Variants in DDX31 observed in about 807,000 individuals in gnomAD.
DDX31 encodes the protein ATP-dependent DNA helicase DDX31.
A neutral mutation model predicts 91.3 loss-of-function variants in DDX31; 70 were observed. That is an observed-to-expected ratio of 0.77 (90% CI 0.63 to 0.94). The LOEUF (loss-of-function observed/expected upper bound fraction) is 0.94, where lower values mean the gene tolerates loss of function less well. Among genes scored for constraint, DDX31 ranks in the 40% least tolerant of loss-of-function variants. The pLI is 0.00. For synonymous variants in DDX31, 362 were observed against 350.6 expected, an observed-to-expected ratio of 1.03 and a Z score of -0.36; for missense variants, 902 against 925.0, an observed-to-expected ratio of 0.98 and a Z score of 0.32.
rs528941326 is a variant in DDX31, at chr9:132,593,183, T to C, written c.*1683A>G. 17 of 152,224 alleles carry C rather than the reference T, an allele frequency of 1.1e-4. No individual in the cohort carries two copies. The highest frequency in any genetic ancestry group is 2.2e-4 in the Non-Finnish European group (15 of 68,030). 9.4% of individuals were successfully genotyped at this position (152,224 alleles called of 1,614,324 possible). On this transcript the variant is annotated 3_prime_UTR_variant, in exon 20 of 20. Coordinates refer to ENST00000372159, the MANE Select transcript of DDX31 (RefSeq NM_022779.9). Reference sequence around the variant, plus strand: ...AGCAGATTAAGTGTGTAAGTTTTGATCTTGGAATTATCGTCACTCACACGT... The same window carrying C: ...AGCAGATTAAGTGTGTAAGTTTTGACCTTGGAATTATCGTCACTCACACGT...
intron 14 of DDX31, 108 bp from the exon 15 acceptor site, chr9:132,632,199 G>C: frequency 1.5e-6 from 1 of 673,046 alleles, no homozygotes. Flanking sequence ...CCCGCCCACA[G>C]TACATGCACA....
intron 14 of DDX31, among the ~76,000 whole-genome samples, chr9:132,639,017 T>G (rs1833308156): frequency 6.6e-6 from 1 of 152,190 alleles, no homozygotes; most frequent in Admixed American, 6.5e-5. Flanking sequence ...GTTCTCCATC[T>G]GTCTCGTCCT....
At chr9:132,654,599 C>T (rs1216898662) in intron 6 of DDX31, among the ~76,000 whole-genome samples, 3 of 151,916 alleles carry the variant, frequency 2.0e-5, no homozygotes, top group African/African-American at 7.3e-5. Context: ...GGCGACAGAG[C>T]GAGACTTCAT....
At chr9:132,645,755 T>C in intron 13 of DDX31, 140 bp downstream of exon 13, 2 of 918,954 alleles carry the variant, frequency 2.2e-6, no homozygotes, top group South Asian at 2.3e-5. Flanking sequence ...CATTTTCGTC[T>C]CATTCTTGAC....
chr9:132,626,967 CT>C (rs1211507325), intron 16 of DDX31, among the ~76,000 whole-genome samples: 1 of 152,056 alleles, frequency 6.6e-6, no homozygotes, highest in African/African-American at 2.4e-5. Context: ...CATGGGAAAT[CT>C]ATTTTTCATA....
chr9:132,626,980 G>T (rs533257752), intron 16 of DDX31, among the ~76,000 whole-genome samples: 2 of 152,214 alleles, frequency 1.3e-5, no homozygotes, highest in African/African-American at 4.8e-5. Flanking sequence ...TTTTTCATAG[G>T]AGAGAGCAAT....
intron 15 of DDX31, 143 bp downstream of exon 15, chr9:132,631,898 T>G (rs1832748948): frequency 1.5e-6 from 1 of 670,506 alleles, no homozygotes; most frequent in Non-Finnish European, 2.4e-6. Flanking sequence ...TCAGGGGAAT[T>G]GAACAGATAA....
chr9:132,659,916 A>G, intron 4 of DDX31, 136 bp from the exon 5 acceptor site: 1 of 734,954 alleles, frequency 1.4e-6, no homozygotes, highest in Non-Finnish European at 2.3e-6. Flanking sequence ...CAAAGCATTC[A>G]AATAAAGGTG....
At chr9:132,666,320 T>G (rs1257338329) in intron 1 of DDX31, among the ~76,000 whole-genome samples, 2 of 152,030 alleles carry the variant, frequency 1.3e-5, no homozygotes, top group South Asian at 4.2e-4. Context: ...GAAATAGAGC[T>G]TCATAATAAT....
rs574538833 is a variant in DDX31 at position 132,599,541 on chromosome 9, C to T, written c.1995-4429G>A. On this transcript the variant is annotated intron_variant, in intron 19 of 19. Coordinates refer to ENST00000372159, the MANE Select transcript of DDX31 (RefSeq NM_022779.9). ...GTCCTGTAGTTTTACAATGAGCATG[C>T]ATTATTTTTATAATTAGAAAATAAC... 1.2e-4 allele frequency among the ~76,000 whole-genome samples: 19 copies of T among 152,300 alleles called. No homozygotes were observed. The South Asian group carries it at 3.7e-3, about 30-fold the overall frequency.
chr9:132,618,831 C>T lies in DDX31; in HGVS notation c.1714-390G>A, dbSNP rs188156927. ...CCTAGGAATCTTCACCTTTCCCTCA[C>T]GCGCATCAGTGGAACACCGACAATT... On this transcript the variant is annotated intron_variant, in intron 17 of 19. Transcript: ENST00000372159. 1.9e-3 allele frequency among the ~76,000 whole-genome samples: 296 copies of T among 152,330 alleles called. 1 individual carries two copies. The highest frequency in any genetic ancestry group is 5.9e-3 in the African/African-American group (244 of 41,574).
chr9:132,662,393 A>G, intron 2 of DDX31, 46 bp downstream of exon 2: 1 of 1,613,860 alleles, frequency 6.2e-7, no homozygotes, highest in South Asian at 1.1e-5. Context: ...AAGAAAAGGC[A>G]GAACACATTT....
At chr9:132,632,884 CTCTCTCTAG>C (rs1832882701) in intron 14 of DDX31, among the ~76,000 whole-genome samples, 1 of 152,160 alleles carries the variant, frequency 6.6e-6, no homozygotes, top group Admixed American at 6.5e-5. Flanking sequence ...AAATTCTCTA[CTCTCTCTAG>C]TCTCTCACCA....
chr9:132,638,848 A>G (rs1453913495), intron 14 of DDX31, among the ~76,000 whole-genome samples: 3 of 152,246 alleles, frequency 2.0e-5, no homozygotes, highest in Non-Finnish European at 4.4e-5. Context: ...CTTCTGTGTG[A>G]GCACACTGCT....
chr9:132,667,012 C>CT (rs1399551842), intron 1 of DDX31, among the ~76,000 whole-genome samples: 6 of 151,304 alleles, frequency 4.0e-5, no homozygotes, highest in South Asian at 2.1e-4. Context: ...TGCGCCAAGC[C>CT]TTTTTTTTGT....
At chr9:132,654,282 A>G (rs1435127790) in intron 6 of DDX31, among the ~76,000 whole-genome samples, 2 of 152,210 alleles carry the variant, frequency 1.3e-5, no homozygotes, top group African/African-American at 2.4e-5. Flanking sequence ...CTTAATTTAT[A>G]TATTTTAAAA....
chr9:132,630,690 C>A (rs1832667558), intron 15 of DDX31, among the ~76,000 whole-genome samples: 1 of 152,232 alleles, frequency 6.6e-6, no homozygotes, highest in African/African-American at 2.4e-5. Flanking sequence ...CAGGTCTCTT[C>A]ATTTTCTTAT....
At chr9:132,628,924 C>T (rs940882949) in intron 16 of DDX31, among the ~76,000 whole-genome samples, 1 of 152,258 alleles carries the variant, frequency 6.6e-6, no homozygotes, top group Non-Finnish European at 1.5e-5. Flanking sequence ...CAGCCACCAG[C>T]AGCATTATGA....
In DDX31 at chr9:132,658,727, G is replaced by C. The variant is rs1056415905; in HGVS notation, c.532C>G (p.Leu178Val). 5.0e-6 allele frequency: 8 copies of C among 1,613,466 alleles called. No individual in the cohort carries two copies. The African/African-American group carries it at 5.3e-5, about 11-fold the overall frequency. The change falls in exon 6 of 20, where the codon CTT becomes GTT. Residue 178 changes from leucine (L) to valine (V), a missense_variant. Coordinates refer to ENST00000372159, the MANE Select transcript of DDX31 (RefSeq NM_022779.9). ...VRSQTGSGKT[L>V]AYCIPVVQSL... is the part of the protein sequence containing the mutation. ...TGGACCACAGGGATGCAATAGGCAA[G>C]AGTTTTACCTTTCAAAAAAAAAGCA...
Sources: gnomAD v4.1 joint callset for allele counts (sites outside exome capture counted in the v4.1 genomes callset) on GRCh38, gnomAD v4.1.1 for gene constraint, MANE v1.5 for transcripts, NCBI Gene and HGNC (gene_info 2026-07-23, HGNC 2026-07-21) for gene names.